PACSIN1: variants seen among roughly 807,000 people sequenced by gnomAD.
The protein encoded by PACSIN1 is protein kinase C and casein kinase substrate in neurons protein 1.
In PACSIN1, 15 loss-of-function variants were observed where a neutral mutation model predicts 59.5. That is an observed-to-expected ratio of 0.25 (90% CI 0.17 to 0.39). The LOEUF (loss-of-function observed/expected upper bound fraction) is 0.39, where lower values mean the gene tolerates loss of function less well. PACSIN1 is among the 10% of genes least tolerant of loss of function. PACSIN1 has a pLI of 1.00. For missense variants in PACSIN1, 420 were observed against 580.2 expected (o/e 0.72, Z 2.84); for synonymous variants, 210 against 220.6 (o/e 0.95, Z 0.42).
At chr6:34,477,444 G>A (rs965675156) in intron 1 of PACSIN1, among the ~76,000 whole-genome samples, 3 of 152,160 alleles carry the variant, frequency 2.0e-5, no homozygotes, top group Admixed American at 2.0e-4. Flanking sequence ...CACTGTGGGT[G>A]TGGCCTGTTG....
Position 34,525,698 on chromosome 6 carries a change from G to C in PACSIN1, c.-63-545G>C, listed in dbSNP as rs112796008. On this transcript the variant is annotated intron_variant, in intron 1 of 9. Transcript: ENST00000244458. The surrounding 1 kb of genome is among the most constrained non-coding windows in gnomAD (Gnocchi z 4.9). ...GTACCCACCTCGGCCCTGGGGCAGC[G>C]CACGGCCTAGATTGGATAACCCTGA... Among the ~76,000 whole-genome samples the C allele has an allele frequency of 6.6e-6, 1 of 152,130 alleles. No homozygotes were observed. The highest frequency in any genetic ancestry group is 2.4e-5 in the African/African-American group (1 of 41,406).
At chr6:34,484,313 T>G (rs1470248235) in intron 1 of PACSIN1, among the ~76,000 whole-genome samples, 1 of 152,206 alleles carries the variant, frequency 6.6e-6, no homozygotes, top group East Asian at 1.9e-4. Flanking sequence ...AGGAGGAACC[T>G]TAAATGCATT....
At chr6:34,520,434 G>C (rs1767369156) in intron 1 of PACSIN1, among the ~76,000 whole-genome samples, 1 of 152,206 alleles carries the variant, frequency 6.6e-6, no homozygotes, top group Non-Finnish European at 1.5e-5. Context: ...GAGGGCTGGA[G>C]TGACACCCAC....
At chr6:34,523,023 C>A (rs536500540) in intron 1 of PACSIN1, among the ~76,000 whole-genome samples, 13 of 152,222 alleles carry the variant, frequency 8.5e-5, no homozygotes, top group Non-Finnish European at 4.4e-5. Flanking sequence ...CACAGGCATA[C>A]CCGGAAATAA....
chr6:34,528,496 G>A, intron 3 of PACSIN1, 146 bp from the exon 4 acceptor site: 1 of 654,712 alleles, frequency 1.5e-6, no homozygotes, highest in Admixed American at 2.5e-5. Flanking sequence ...GGCTGATGTG[G>A]GCCCTAGAGG....
intron 1 of PACSIN1, among the ~76,000 whole-genome samples, chr6:34,513,331 G>C (rs996301380): frequency 6.6e-6 from 1 of 152,180 alleles, no homozygotes. Flanking sequence ...TGCTTAATTT[G>C]TGGTGGCTTC....
At chr6:34,513,465 ATGTCCTGTGGGGCATGCTGTG>A (rs532091194) in intron 1 of PACSIN1, among the ~76,000 whole-genome samples, 249 of 152,122 alleles carry the variant, frequency 1.6e-3, no homozygotes, top group Admixed American at 2.7e-3. Flanking sequence ...TGGGAATAGC[ATGTCCTGTGGGGCATGCTGTG>A]TGTCCTGGGC....
At chr6:34,477,498 G>C (rs952790431) in intron 1 of PACSIN1, among the ~76,000 whole-genome samples, 15 of 152,118 alleles carry the variant, frequency 9.9e-5, no homozygotes, top group African/African-American at 3.6e-4. Context: ...TGCAACAGCT[G>C]GGGGACCAGG....
intron 1 of PACSIN1, among the ~76,000 whole-genome samples, chr6:34,494,365 T>C (rs1766918687): frequency 6.6e-6 from 1 of 152,162 alleles, no homozygotes; most frequent in East Asian, 1.9e-4. Flanking sequence ...CCAAGTTTAA[T>C]GCACACAGGT....
Position 34,506,096 on chromosome 6 carries a change from T to C in PACSIN1, c.-63-20147T>C, listed in dbSNP as rs76684823. Among the ~76,000 whole-genome samples the C allele has an allele frequency of 6.0e-3, 918 of 152,360 alleles. 10 individuals carry two copies. Among genetic ancestry groups the C allele is most frequent in the African/African-American group, 0.017 (693 of 41,590 alleles). On this transcript the variant is annotated intron_variant, in intron 1 of 9. Coordinates refer to ENST00000244458, the MANE Select transcript of PACSIN1 (RefSeq NM_020804.5). Reference sequence around the variant, plus strand: ...ATTGCGTGCTGAAGCATTTTTACGATGGCAGCTTTAAAAATCCTTGTCAGA... The same window carrying C: ...ATTGCGTGCTGAAGCATTTTTACGACGGCAGCTTTAAAAATCCTTGTCAGA...
At position 34,475,958 on chromosome 6, in the gene PACSIN1, A is replaced by G. The variant is rs548392266; in HGVS notation, c.-64+9688A>G. Among the ~76,000 whole-genome samples, 8 of 152,284 alleles carry G rather than the reference A, an allele frequency of 5.3e-5. No homozygotes were observed. The South Asian group carries it at 8.3e-4, about 16-fold the overall frequency. The stretch of plus-strand genomic sequence containing the variant: ...TCAGGATCCTCTGATTAGCGGACAA[A>G]TCGTCTTAGTGGCTGCTGGTTTGTA... On this transcript the variant is annotated intron_variant, in intron 1 of 9. Transcript: ENST00000244458.
chr6:34,512,951 A>G lies in PACSIN1; in HGVS notation c.-63-13292A>G, dbSNP rs572414049. ...TCAGAGCCTATTTCCTAATCAGTCC[A>G]GTAGCCTCACCATGCAAGGCCCTGT... On this transcript the variant is annotated intron_variant, in intron 1 of 9. Transcript: ENST00000244458. Among the ~76,000 whole-genome samples, 7 of 152,314 alleles carry G rather than the reference A, an allele frequency of 4.6e-5. No individual in the cohort carries two copies. In the East Asian group the frequency reaches 5.8e-4, roughly 13 times the overall value.
Position 34,531,864 on chromosome 6 carries a change from C to T in PACSIN1, c.1225+77C>T, listed in dbSNP as rs1767602498. 1.5e-6 allele frequency: 2 copies of T among 1,359,806 alleles called. No homozygotes were observed. The highest frequency in any genetic ancestry group is 3.1e-5 in the African/African-American group (2 of 65,220). The allele number at this position is 1,359,806 out of a possible 1,614,324, so 84.2% of individuals were successfully genotyped here. ...GTGTGTGGTGGTGCAGGGGCGGTGC[C>T]TGAGAGAGAAGCTTGGGTCTGGATT... On this transcript the variant is annotated intron_variant, in intron 9 of 9. Transcript: ENST00000244458. The surrounding 1 kb of genome is among the most constrained non-coding windows in gnomAD (Gnocchi z 4.4).
In PACSIN1 at chr6:34,529,805, A is replaced by G; in HGVS notation, c.752A>G (p.Asp251Gly). 6.2e-7 allele frequency: 1 copy of G among 1,613,966 alleles called. No individual in the cohort carries two copies. The highest frequency in any genetic ancestry group is 1.1e-5 in the South Asian group (1 of 91,044). The change falls in exon 6 of 10, where the codon GAC becomes GGC. Residue 251 changes from aspartate to glycine, a missense_variant. Physicochemically the swap from Asp to Gly is moderately conservative, Grantham distance 94. Coordinates refer to ENST00000244458, the MANE Select transcript of PACSIN1 (RefSeq NM_020804.5). This position sits in a 1 kb window ranked among gnomAD's most constrained non-coding sequence, Gnocchi z 6.3. ...RLVFLKEVLL[D>G]IKRHLNLAEN... is the part of the protein sequence containing the mutation. The stretch of plus-strand genomic sequence containing the variant: ...GTCTTCCTCAAGGAGGTGCTGCTGG[A>G]CATCAAACGGCACCTCAACCTGGCT...
rs1051042701 is a variant in PACSIN1, at chr6:34,521,200, C to T, written c.-63-5043C>T. The stretch of plus-strand genomic sequence containing the variant: ...AATGCCGTGCTGTGGATGCCGTGTC[C>T]GGTGGTGACGAGGGCTGTGAAGAAT... On this transcript the variant is annotated intron_variant, in intron 1 of 9. Transcript: ENST00000244458. The surrounding 1 kb of genome is among the most constrained non-coding windows in gnomAD (Gnocchi z 4.3). 5.9e-5 allele frequency among the ~76,000 whole-genome samples: 9 copies of T among 152,056 alleles called. No homozygotes were observed. Among genetic ancestry groups the T allele is most frequent in the South Asian group, 4.1e-4 (2 of 4,822 alleles).
rs1455261915 is a variant in PACSIN1 at position 34,515,929 on chromosome 6, C to T, written c.-63-10314C>T. 6.6e-6 allele frequency among the ~76,000 whole-genome samples: 1 copy of T among 151,904 alleles called. No homozygotes were observed. ...TGGGGTGCAGGGGAGGAGCTGGGCCCTCTGCCCCAACTCTGGGCAGGGAGG... is the reference window on the plus strand; with the variant it reads ...TGGGGTGCAGGGGAGGAGCTGGGCCTTCTGCCCCAACTCTGGGCAGGGAGG... On this transcript the variant is annotated intron_variant, in intron 1 of 9. Coordinates refer to ENST00000244458, the MANE Select transcript of PACSIN1 (RefSeq NM_020804.5). The surrounding 1 kb of genome is among the most constrained non-coding windows in gnomAD (Gnocchi z 4.4).
chr6:34,485,421 G>A (rs560531686), intron 1 of PACSIN1, among the ~76,000 whole-genome samples: 3 of 152,088 alleles, frequency 2.0e-5, no homozygotes, highest in Admixed American at 6.6e-5. Flanking sequence ...ATCTGTGGCC[G>A]ACAGGTGAGA....
chr6:34,495,589 A>T (rs1254124284), intron 1 of PACSIN1, among the ~76,000 whole-genome samples: 1 of 151,738 alleles, frequency 6.6e-6, no homozygotes, highest in African/African-American at 2.4e-5. Context: ...AGTAGCTGGG[A>T]TTACAGGCGC....
At chr6:34,492,733 C>T (rs185644772) in intron 1 of PACSIN1, among the ~76,000 whole-genome samples, 1 of 152,166 alleles carries the variant, frequency 6.6e-6, no homozygotes, top group Non-Finnish European at 1.5e-5. Context: ...CCAAATAGTG[C>T]GTGCTCATTT....
Sources: gnomAD v4.1 joint callset for allele counts (sites outside exome capture counted in the v4.1 genomes callset) on GRCh38, gnomAD v4.1.1 for gene constraint, Gnocchi (gnomAD v3.1) non-coding constraint, MANE v1.5 for transcripts, NCBI Gene and HGNC (gene_info 2026-07-23, HGNC 2026-07-21) for gene names.